PCDHGB2: variants seen among roughly 807,000 people sequenced by gnomAD.
PCDHGB2 encodes protocadherin gamma-B2.
In PCDHGB2, 55 loss-of-function variants were observed where a neutral mutation model predicts 59.3. The observed-to-expected ratio is 0.93, with a 90% confidence interval of 0.75 to 1.16. The LOEUF (loss-of-function observed/expected upper bound fraction) is 1.16, where lower values mean the gene tolerates loss of function less well. PCDHGB2 is among the 50% of genes most tolerant of loss of function. The pLI is 0.00. For missense variants in PCDHGB2, 1,228 were observed against 1,198.5 expected (o/e 1.02, Z -0.36); for synonymous variants, 516 against 512.0 (o/e 1.01, Z -0.11).
chr5:141,449,622 T>A (rs889336036), intron 1 of PCDHGB2, among the ~76,000 whole-genome samples: 1 of 150,910 alleles, frequency 6.6e-6, no homozygotes, highest in African/African-American at 2.4e-5. Context: ...AAAAGTTTTT[T>A]AAAAAGATGT....
Position 141,491,795 on chromosome 5 carries a change from C to T in PCDHGB2, c.2422-3012C>T. On this transcript the variant is annotated intron_variant, in intron 1 of 3. Coordinates refer to ENST00000522605, the MANE Select transcript of PCDHGB2 (RefSeq NM_018923.3). This position sits in a 1 kb window ranked among gnomAD's most constrained non-coding sequence, Gnocchi z 6.9. ...GGATTGAACTTGCATCCACTCCTCT[C>T]CGGCCGGCTTGGTCGCTGGCTGCGC... 6 of 1,511,694 alleles carry T rather than the reference C, an allele frequency of 4.0e-6. No individual in the cohort carries two copies. Among genetic ancestry groups the T allele is most frequent in the Non-Finnish European group, 5.3e-6 (6 of 1,130,430 alleles). 93.6% of individuals were successfully genotyped at this position (1,511,694 alleles called of 1,614,324 possible).
chr5:141,485,886 A>G lies in PCDHGB2; in HGVS notation c.2422-8921A>G. 1.9e-6 allele frequency: 3 copies of G among 1,614,132 alleles called. No individual in the cohort carries two copies. Among genetic ancestry groups the G allele is most frequent in the Non-Finnish European group, 2.5e-6 (3 of 1,180,016 alleles). On this transcript the variant is annotated intron_variant, in intron 1 of 3. Transcript: ENST00000522605. This position sits in a 1 kb window ranked among gnomAD's most constrained non-coding sequence, Gnocchi z 5.7. ...GTATCCGTGCTGGACGTAAACGACAACGCCCCAGCCTTCCAGCAATCCAGC... is the reference window on the plus strand; with the variant it reads ...GTATCCGTGCTGGACGTAAACGACAGCGCCCCAGCCTTCCAGCAATCCAGC...
At chr5:141,419,253 A>G in intron 1 of PCDHGB2, 4 of 1,613,990 alleles carry the variant, frequency 2.5e-6, no homozygotes, top group South Asian at 1.1e-5. Flanking sequence ...CCAGAAAACA[A>G]CCAGCCGGGT....
At chr5:141,478,247 G>C (rs1377698933) in intron 1 of PCDHGB2, 1 of 1,613,956 alleles carries the variant, frequency 6.2e-7, no homozygotes, top group Non-Finnish European at 8.5e-7. Context: ...CACAGTGTTC[G>C]GAGTAATCAT....
intron 1 of PCDHGB2, chr5:141,385,096 G>T (rs746092295): frequency 6.2e-7 from 1 of 1,614,190 alleles, no homozygotes; most frequent in Non-Finnish European, 8.5e-7. Context: ...AGGTGGCTTG[G>T]CGAACGTGCC....
intron 1 of PCDHGB2, chr5:141,403,277 C>G (rs2094385466): frequency 6.2e-7 from 1 of 1,613,750 alleles, no homozygotes; most frequent in Admixed American, 1.7e-5. Context: ...CTTTAAAGTC[C>G]TGGTTGAAGA....
chr5:141,384,419 T>G, intron 1 of PCDHGB2: 1 of 1,613,944 alleles, frequency 6.2e-7, no homozygotes, highest in Non-Finnish European at 8.5e-7. Context: ...TATGTCTCCA[T>G]AAACTCTGAC....
At chr5:141,423,644 A>G in intron 1 of PCDHGB2, 1 of 1,592,866 alleles carries the variant, frequency 6.3e-7, no homozygotes, top group South Asian at 1.1e-5. Context: ...GGCAAATGTG[A>G]CCCGACAAGT....
Position 141,368,993 on chromosome 5 carries a change from G to A in PCDHGB2, c.2421+6437G>A, listed in dbSNP as rs968608216. Among the ~76,000 whole-genome samples, 4 of 152,098 alleles carry A rather than the reference G, an allele frequency of 2.6e-5. No homozygotes were observed. The East Asian group carries it at 5.8e-4, about 22-fold the overall frequency. Reference sequence around the variant, plus strand: ...TGCTTTTCCACTATAAGGTGAATTCGGTGTGGAACTCATTGCTTATTGCTG... The same window carrying A: ...TGCTTTTCCACTATAAGGTGAATTCAGTGTGGAACTCATTGCTTATTGCTG... On this transcript the variant is annotated intron_variant, in intron 1 of 3. Transcript: ENST00000522605.
intron 1 of PCDHGB2, chr5:141,423,111 T>C (rs1394665462): frequency 3.1e-6 from 5 of 1,613,718 alleles, no homozygotes; most frequent in South Asian, 1.1e-5. Flanking sequence ...GCGAGGTGCG[T>C]ACAGCGCGGG....
intron 1 of PCDHGB2, chr5:141,415,481 A>G: frequency 1.9e-6 from 3 of 1,614,114 alleles, no homozygotes; most frequent in Non-Finnish European, 1.7e-6. Flanking sequence ...GACTCGCGAA[A>G]GAGTCACCTG....
intron 1 of PCDHGB2, chr5:141,417,766 C>G: frequency 6.9e-7 from 1 of 1,442,472 alleles, no homozygotes; most frequent in Non-Finnish European, 9.1e-7. Flanking sequence ...AGACCCGGGA[C>G]TCCTCCTGTC....
In PCDHGB2 at chr5:141,466,692, A is replaced by G. The variant is rs185786515; in HGVS notation, c.2422-28115A>G. Among the ~76,000 whole-genome samples the G allele has an allele frequency of 3.0e-4, 46 of 152,280 alleles. 1 individual carries two copies. The highest frequency in any genetic ancestry group is 1.0e-3 in the African/African-American group (43 of 41,558). On this transcript the variant is annotated intron_variant, in intron 1 of 3. Coordinates refer to ENST00000522605, the MANE Select transcript of PCDHGB2 (RefSeq NM_018923.3). ...ACCGTTCTTCCACTCAAGCTTCATCATAAATTTGATGTCTGTTCTTGTTTC... is the reference window on the plus strand; with the variant it reads ...ACCGTTCTTCCACTCAAGCTTCATCGTAAATTTGATGTCTGTTCTTGTTTC...
At chr5:141,389,180 CA>C (rs2091638521) in intron 1 of PCDHGB2, 6 of 1,614,034 alleles carry the variant, frequency 3.7e-6, no homozygotes, top group Non-Finnish European at 5.1e-6. Context: ...CCCTCTCCTC[CA>C]GTTCCAGCAT....
chr5:141,510,898 T>G (rs1393880610), intron 3 of PCDHGB2, 49 bp from the exon 4 acceptor site: 1 of 1,613,278 alleles, frequency 6.2e-7, no homozygotes, highest in East Asian at 2.2e-5. Context: ...ACAGTGACTG[T>G]TGAGGACCCT....
intron 3 of PCDHGB2, 89 bp from the exon 4 acceptor site, chr5:141,510,858 T>G: frequency 6.2e-7 from 1 of 1,606,182 alleles, no homozygotes; most frequent in Non-Finnish European, 8.5e-7. Context: ...GGGTGCTGTA[T>G]AGGCATTCAT....
intron 1 of PCDHGB2, chr5:141,398,495 T>G: frequency 1.2e-6 from 2 of 1,610,214 alleles, no homozygotes; most frequent in Non-Finnish European, 1.7e-6. Context: ...AATGTGGAGA[T>G]CGAGGACATT....
At chr5:141,480,298 C>T (rs1238380283) in intron 1 of PCDHGB2, among the ~76,000 whole-genome samples, 1 of 132,676 alleles carries the variant, frequency 7.5e-6, no homozygotes, top group Non-Finnish European at 1.6e-5. Flanking sequence ...ACCTGTGGTA[C>T]CAGCTACTTG....
chr5:141,360,700 C>T lies in PCDHGB2; in HGVS notation c.565C>T (p.Arg189Cys), dbSNP rs532971055. The T allele has an allele frequency of 1.2e-5, 19 of 1,613,916 alleles. No individual in the cohort carries two copies. The South Asian group carries it at 2.0e-4, about 17-fold the overall frequency. Reference sequence around the variant, plus strand: ...CGCTGAGAAACAGACTCCAGATGGTCGTAAATATCCTGAGTTGATTCTAAA... The same window carrying T: ...CGCTGAGAAACAGACTCCAGATGGTTGTAAATATCCTGAGTTGATTCTAAA... ...DLAEKQTPDG[R>C]KYPELILKHS... The change falls in exon 1 of 4, where the codon CGT (arginine) becomes TGT (cysteine). Residue 189 changes from arginine (R) to cysteine (C), a missense_variant. By Grantham distance (180) the Arg-to-Cys change is radical. This residue lies in a region of PCDHGB2 where 781 missense variants were observed against 721.6 expected (regional missense o/e 1.08). Coordinates refer to ENST00000522605, the MANE Select transcript of PCDHGB2 (RefSeq NM_018923.3).
Sources: gnomAD v4.1 joint callset for allele counts (sites outside exome capture counted in the v4.1 genomes callset) on GRCh38, gnomAD v4.1.1 for gene constraint, gnomAD v4.1.1 regional missense constraint, Gnocchi (gnomAD v3.1) non-coding constraint, MANE v1.5 for transcripts, NCBI Gene and HGNC (gene_info 2026-07-23, HGNC 2026-07-21) for gene names.